Variants in ADAM32 observed in about 807,000 individuals in gnomAD.
ADAM32 encodes ADAM metallopeptidase domain 32, also known as disintegrin and metalloproteinase domain-containing protein 32.
ADAM32 carries 89 observed loss-of-function variants against 114.9 expected under a neutral mutation model. The ratio of observed to expected loss-of-function variants is 0.77; its 90% CI spans 0.65 to 0.92. ADAM32 has a LOEUF of 0.92. Ranked by LOEUF, ADAM32 falls within the 40% of genes least tolerant of loss-of-function variation. ADAM32 has a pLI of 0.00. For synonymous variants in ADAM32, 285 were observed against 307.5 expected (o/e 0.93, Z 0.77); for missense variants, 870 against 932.8 (o/e 0.93, Z 0.88).
intron 20 of ADAM32, 63 bp downstream of exon 20, chr8:39,270,977 A>G: frequency 6.7e-7 from 1 of 1,490,366 alleles, no homozygotes; most frequent in African/African-American, 1.4e-5. Flanking sequence ...TTGATAATTC[A>G]CAATTTATTT....
At chr8:39,236,682 CA>C (rs1810166747) in intron 16 of ADAM32, among the ~76,000 whole-genome samples, 1 of 152,098 alleles carries the variant, frequency 6.6e-6, no homozygotes. Flanking sequence ...ACCCAAAATT[CA>C]TAGTTTACAT....
At chr8:39,253,880 T>C (rs1168230045) in intron 17 of ADAM32, among the ~76,000 whole-genome samples, 1 of 151,636 alleles carries the variant, frequency 6.6e-6, no homozygotes, top group African/African-American at 2.4e-5. Flanking sequence ...AATCTCCATG[T>C]TATTTTTCAA....
At chr8:39,134,612 A>T (rs1802676601) in intron 2 of ADAM32, among the ~76,000 whole-genome samples, 1 of 152,138 alleles carries the variant, frequency 6.6e-6, no homozygotes, top group Non-Finnish European at 1.5e-5. Flanking sequence ...GAGGAGGCAA[A>T]CACAAATTTA....
intron 6 of ADAM32, among the ~76,000 whole-genome samples, chr8:39,155,588 A>G (rs1039618954): frequency 6.6e-5 from 10 of 152,334 alleles, no homozygotes; most frequent in African/African-American, 2.2e-4. Context: ...CACAATAAAT[A>G]TAAAGAGCAG....
chr8:39,160,342 C>T (rs959095906), intron 6 of ADAM32, among the ~76,000 whole-genome samples: 26 of 152,088 alleles, frequency 1.7e-4, no homozygotes, highest in African/African-American at 6.3e-4. Context: ...AGATGGAGAC[C>T]ATCCTGGCTA....
chr8:39,237,934 C>G (rs1214233630), intron 16 of ADAM32, among the ~76,000 whole-genome samples: 2 of 152,200 alleles, frequency 1.3e-5, no homozygotes, highest in Middle Eastern at 3.2e-3. Context: ...AGCTGATGCT[C>G]TCTTGAAAGT....
intron 16 of ADAM32, among the ~76,000 whole-genome samples, chr8:39,241,596 C>A (rs1291380268): frequency 6.6e-6 from 1 of 152,234 alleles, no homozygotes; most frequent in Non-Finnish European, 1.5e-5. Flanking sequence ...TGGGCTTCCA[C>A]CCTCTGAAGC....
rs746220775 is a variant in ADAM32 at position 39,149,874 on chromosome 8, T to G, written c.353+7T>G. 1 of 1,600,906 alleles carries G rather than the reference T, an allele frequency of 6.2e-7. No homozygotes were observed. Among genetic ancestry groups the G allele is most frequent in the Non-Finnish European group, 8.5e-7 (1 of 1,170,856 alleles). On this transcript the variant is annotated splice_region_variant and intron_variant, in intron 5 of 24. Transcript: ENST00000379907. ...GCACGTGCTCTGGACTAAGGTTGTT[T>G]TCTGTTGTTGATTACAGAACACCTT...
chr8:39,183,664 C>T (rs913214988), intron 10 of ADAM32, among the ~76,000 whole-genome samples: 2 of 152,192 alleles, frequency 1.3e-5, no homozygotes, highest in Admixed American at 1.3e-4. Context: ...TTAGTGACAT[C>T]CTTCCTACCT....
intron 10 of ADAM32, among the ~76,000 whole-genome samples, chr8:39,180,199 C>T (rs542454901): frequency 1.2e-4 from 18 of 152,336 alleles, no homozygotes; most frequent in Admixed American, 5.2e-4. Context: ...TGGCGGGCCC[C>T]GCACTCGGAG....
At chr8:39,145,885 C>G (rs904552407) in intron 3 of ADAM32, among the ~76,000 whole-genome samples, 1 of 152,028 alleles carries the variant, frequency 6.6e-6, no homozygotes, top group Non-Finnish European at 1.5e-5. Flanking sequence ...AGCAGACCAC[C>G]ACACCTGGCT....
intron 10 of ADAM32, 68 bp downstream of exon 10, chr8:39,170,065 A>C (rs1805095855): frequency 8.5e-7 from 1 of 1,181,990 alleles, no homozygotes; most frequent in African/African-American, 1.6e-5. Context: ...GATAGTATAT[A>C]TTTTGTACAA....
At chr8:39,264,246 A>G (rs556770624) in intron 19 of ADAM32, among the ~76,000 whole-genome samples, 1 of 152,248 alleles carries the variant, frequency 6.6e-6, no homozygotes, top group African/African-American at 2.4e-5. Context: ...CTTGTAACTG[A>G]TCTGTGTAAG....
At chr8:39,176,164 T>G (rs2129446684) in intron 10 of ADAM32, among the ~76,000 whole-genome samples, 1 of 152,324 alleles carries the variant, frequency 6.6e-6, no homozygotes, top group African/African-American at 2.4e-5. Context: ...TTTGAAGGTT[T>G]TTTTGTGTGT....
intron 12 of ADAM32, among the ~76,000 whole-genome samples, chr8:39,215,236 A>C (rs1808481665): frequency 6.6e-6 from 1 of 151,852 alleles, no homozygotes; most frequent in South Asian, 2.1e-4. Flanking sequence ...ATTTTGATAG[A>C]GATTGCATTG....
At position 39,186,895 on chromosome 8, in the gene ADAM32, T is replaced by G; in HGVS notation, c.916-14T>G. The G allele has an allele frequency of 6.4e-7, 1 of 1,561,000 alleles. No individual in the cohort carries two copies. Among genetic ancestry groups the G allele is most frequent in the Non-Finnish European group, 8.6e-7 (1 of 1,157,398 alleles). ...AATTATCTTTCCTTAGAATTTTCTT[T>G]GTTGTTATTATAGTACCCCAAGGAG... On this transcript the variant is annotated splice_polypyrimidine_tract_variant and intron_variant, in intron 10 of 24. Transcript: ENST00000379907.
chr8:39,237,282 T>A (rs527369285), intron 16 of ADAM32, among the ~76,000 whole-genome samples: 2 of 152,232 alleles, frequency 1.3e-5, no homozygotes, highest in Admixed American at 1.3e-4. Context: ...GCCAGTGGAA[T>A]TGGGGAAGGG....
At chr8:39,136,624 T>G in intron 2 of ADAM32, 33 bp from the exon 3 acceptor site, 1 of 1,373,502 alleles carries the variant, frequency 7.3e-7, no homozygotes, top group Non-Finnish European at 9.9e-7. Flanking sequence ...GTATTAAATT[T>G]GTCTTCACTC....
At chr8:39,218,377 T>C (rs1166699723) in intron 12 of ADAM32, among the ~76,000 whole-genome samples, 2 of 152,084 alleles carry the variant, frequency 1.3e-5, no homozygotes, top group Non-Finnish European at 2.9e-5. Flanking sequence ...GACTACTGAC[T>C]ATGTTCACTC....
Sources: allele counts gnomAD v4.1 joint callset (sites outside exome capture counted in the v4.1 genomes callset), GRCh38; gene constraint gnomAD v4.1.1; transcripts MANE v1.5; gene names NCBI Gene and HGNC (gene_info 2026-07-23, HGNC 2026-07-21).